IFT74: variants seen among roughly 807,000 people sequenced by gnomAD.
The protein encoded by IFT74 is intraflagellar transport protein 74 homolog.
In IFT74, 92 loss-of-function variants were observed where a neutral mutation model predicts 96.7. The observed-to-expected ratio is 0.95, with a 90% CI of 0.80 to 1.13. IFT74 has a LOEUF of 1.13. Ranked by LOEUF, IFT74 falls within the 50% of genes most tolerant of loss-of-function variation. The probability of loss-of-function intolerance (pLI) is 0.00; values close to 1 mark genes in which losing one functional copy is unlikely to be tolerated. For synonymous variants in IFT74, 223 were observed against 213.2 expected (o/e 1.05, Z -0.40); for missense variants, 811 against 698.2 (o/e 1.16, Z -1.82).
intron 16 of IFT74, among the ~76,000 whole-genome samples, chr9:27,053,161 CTTTTTT>C (rs58085385): frequency 2.0e-5 from 1 of 50,590 alleles, no homozygotes; most frequent in Non-Finnish European, 3.3e-5. Flanking sequence ...CGCGCCTGGC[CTTTTTT>C]TTTTTTTTTT....
chr9:26,995,886 A>G lies in IFT74; in HGVS notation c.587+5691A>G, dbSNP rs371476073. The G allele has an allele frequency of 1.1e-5, 16 of 1,481,054 alleles. No homozygotes were observed. In the African/African-American group the frequency reaches 2.3e-4, roughly 21 times the overall value. 91.7% of individuals were successfully genotyped at this position (1,481,054 alleles called of 1,614,324 possible). A position where few individuals can be genotyped will look rare whatever the true frequency, so the allele number is the denominator to read the frequency against. ...TACCAAGAGAGGAGAGAGAAAGAAA[A>G]TTTGTTAAGTTGGCAAAATAATCAT... is the stretch of plus-strand genomic sequence containing the variant. On this transcript the variant is annotated intron_variant, in intron 8 of 19. Transcript: ENST00000380062.
intron 3 of IFT74, among the ~76,000 whole-genome samples, chr9:26,978,583 G>GGA (rs1185252322): frequency 6.6e-6 from 1 of 152,112 alleles, no homozygotes; most frequent in Non-Finnish European, 1.5e-5. Context: ...TTTCTGACAT[G>GGA]GAGCTGTAGT....
chr9:26,991,569 A>C (rs1376529298), intron 8 of IFT74, among the ~76,000 whole-genome samples: 9 of 152,014 alleles, frequency 5.9e-5, no homozygotes, highest in Admixed American at 3.3e-4. Context: ...TAAACTCAAA[A>C]TACTAGCAGT....
chr9:26,982,298 T>C (rs1827416065), intron 4 of IFT74: 1 of 378,658 alleles, frequency 2.6e-6, no homozygotes, highest in Non-Finnish European at 5.3e-6. Flanking sequence ...GGAGTTTTGC[T>C]TGTCACCCAA....
chr9:26,958,011 C>T (rs1339727230), intron 1 of IFT74, among the ~76,000 whole-genome samples: 1 of 152,136 alleles, frequency 6.6e-6, no homozygotes, highest in Non-Finnish European at 1.5e-5. Context: ...CCTCGGCCTC[C>T]CAAAGTTCTG....
At chr9:26,972,703 T>G (rs1289369889) in intron 2 of IFT74, among the ~76,000 whole-genome samples, 2 of 151,962 alleles carry the variant, frequency 1.3e-5, no homozygotes, top group Non-Finnish European at 2.9e-5. Flanking sequence ...TCCTAAAAAT[T>G]TTTTTGGTTC....
chr9:27,037,460 G>T (rs1397145615), intron 13 of IFT74, among the ~76,000 whole-genome samples: 1 of 152,198 alleles, frequency 6.6e-6, no homozygotes, highest in Non-Finnish European at 1.5e-5. Flanking sequence ...GATCACAGGA[G>T]AATCAGCATT....
chr9:26,993,043 C>G (rs1827957591), intron 8 of IFT74: 1 of 152,226 alleles, frequency 6.6e-6, no homozygotes, highest in Non-Finnish European at 1.5e-5. Flanking sequence ...CTTGCTTGAA[C>G]TAATGATTCT....
At chr9:26,949,622 A>T (rs1202198592) in intron 1 of IFT74, among the ~76,000 whole-genome samples, 1 of 152,166 alleles carries the variant, frequency 6.6e-6, no homozygotes, top group East Asian at 1.9e-4. Flanking sequence ...AGAACTACAA[A>T]TGTTGCAGCA....
At chr9:27,023,702 C>G (rs947093717) in intron 12 of IFT74, among the ~76,000 whole-genome samples, 1 of 152,226 alleles carries the variant, frequency 6.6e-6, no homozygotes, top group South Asian at 2.1e-4. Context: ...CCCTCTTTCT[C>G]TATCTTTTGG....
chr9:27,010,833 T>C (rs1184690736), intron 9 of IFT74, among the ~76,000 whole-genome samples: 1 of 152,148 alleles, frequency 6.6e-6, no homozygotes, highest in Non-Finnish European at 1.5e-5. Flanking sequence ...GCAATTTAAG[T>C]CCCTGTTGAG....
chr9:27,003,800 G>A (rs1018945059), intron 8 of IFT74, among the ~76,000 whole-genome samples: 1 of 152,166 alleles, frequency 6.6e-6, no homozygotes, highest in Non-Finnish European at 1.5e-5. Flanking sequence ...TTTAGAGCCA[G>A]AAGTGCATTT....
In IFT74 at chr9:26,987,211, G is replaced by T. The variant is rs72703106; in HGVS notation, c.466-1458G>T. On this transcript the variant is annotated intron_variant, in intron 6 of 19. Coordinates refer to ENST00000380062, the MANE Select transcript of IFT74 (RefSeq NM_025103.4). ...ATTACAGGCGCTTGCCACCAGCTGGGATTACAGGTGCGGTCCTGAGTAGCT... is the reference window on the plus strand; with the variant it reads ...ATTACAGGCGCTTGCCACCAGCTGGTATTACAGGTGCGGTCCTGAGTAGCT... Among the ~76,000 whole-genome samples the T allele has an allele frequency of 2.3e-3, 355 of 151,942 alleles. 2 individuals are homozygous for T. The highest frequency in any genetic ancestry group is 4.0e-3 in the Non-Finnish European group (270 of 67,958).
chr9:27,036,737 A>G, intron 13 of IFT74: 3 of 1,233,612 alleles, frequency 2.4e-6, no homozygotes, highest in Non-Finnish European at 3.0e-6. Context: ...TCCCTTACAG[A>G]CTAAGAGAGA....
chr9:26,995,689 G>A (rs774846481), intron 8 of IFT74: 7 of 1,613,840 alleles, frequency 4.3e-6, no homozygotes, highest in South Asian at 2.2e-5. Flanking sequence ...CATCTTCATA[G>A]GTTTCTGCTT....
At chr9:27,026,963 A>C (rs1294510975) in intron 12 of IFT74, among the ~76,000 whole-genome samples, 1 of 152,070 alleles carries the variant, frequency 6.6e-6, no homozygotes, top group African/African-American at 2.4e-5. Flanking sequence ...AAGAAAAGGA[A>C]ATTACAAACA....
At chr9:26,981,198 A>C (rs1298887131) in intron 4 of IFT74, among the ~76,000 whole-genome samples, 1 of 152,168 alleles carries the variant, frequency 6.6e-6, no homozygotes, top group Non-Finnish European at 1.5e-5. Context: ...TTAAGTTTTG[A>C]TATGAATTTC....
chr9:27,016,990 G>A lies in IFT74; in HGVS notation c.873G>A (p.Met291Ile), dbSNP rs1485170963. ...LYELESHRDQ[M>I]IAEDKSIGSP... is the part of the protein sequence containing the mutation. ...AGTTGGAGTCCCATCGAGATCAAAT[G>A]ATTGCAGAAGACAAAAGCATAGGAT... Residue 291 changes from methionine to isoleucine, a missense_variant, in exon 11 of 20, where the codon ATG becomes ATA. Met to Ile is a conservative substitution (Grantham distance 10, BLOSUM62 1). Transcript: ENST00000380062. 3 of 1,611,130 alleles carry A rather than the reference G, an allele frequency of 1.9e-6. No homozygotes were observed. Among genetic ancestry groups the A allele is most frequent in the Non-Finnish European group, 1.7e-6 (2 of 1,178,510 alleles).
chr9:26,989,247 T>C (rs1396612509), intron 7 of IFT74, among the ~76,000 whole-genome samples: 1 of 151,988 alleles, frequency 6.6e-6, no homozygotes, highest in Non-Finnish European at 1.5e-5. Context: ...GGTGGAAAAA[T>C]TACCTAGCAG....
Sources: gnomAD v4.1 joint callset for allele counts (sites outside exome capture counted in the v4.1 genomes callset) on GRCh38, gnomAD v4.1.1 for gene constraint, MANE v1.5 for transcripts, NCBI Gene and HGNC (gene_info 2026-07-23, HGNC 2026-07-21) for gene names.